PRKN: variants seen among roughly 807,000 people sequenced by gnomAD.
The protein encoded by PRKN is E3 ubiquitin-protein ligase parkin.
A neutral mutation model predicts 59.5 loss-of-function variants in PRKN; 56 were observed. That is an observed-to-expected ratio of 0.94 (90% CI 0.76 to 1.18). The LOEUF is 1.18. PRKN is among the 50% of genes most tolerant of loss of function. The probability of loss-of-function intolerance (pLI) is 0.00; values close to 1 mark genes in which losing one functional copy is unlikely to be tolerated. For missense variants in PRKN, 657 were observed against 596.4 expected, an observed-to-expected ratio of 1.10 and a Z score of -1.06; for synonymous variants, 250 against 222.1, an observed-to-expected ratio of 1.13 and a Z score of -1.12.
intron 8 of PRKN, among the ~76,000 whole-genome samples, chr6:161,558,468 G>A (rs1246757010): frequency 1.3e-5 from 2 of 152,104 alleles, no homozygotes; most frequent in East Asian, 3.9e-4. Context: ...AGGAGGCTGA[G>A]GTGAGAGGAT....
At chr6:162,180,359 T>C (rs1783747429) in intron 4 of PRKN, among the ~76,000 whole-genome samples, 1 of 152,168 alleles carries the variant, frequency 6.6e-6, no homozygotes, top group Non-Finnish European at 1.5e-5. Context: ...CTGCATCCTG[T>C]GCTTATTTCA....
At chr6:162,428,242 T>G (rs1789339411) in intron 2 of PRKN, among the ~76,000 whole-genome samples, 1 of 152,188 alleles carries the variant, frequency 6.6e-6, no homozygotes, top group Non-Finnish European at 1.5e-5. Flanking sequence ...GTAATTTCCA[T>G]GTATTTCTAT....
intron 4 of PRKN, among the ~76,000 whole-genome samples, chr6:162,100,421 C>T (rs570305447): frequency 1.1e-3 from 165 of 151,770 alleles, no homozygotes; most frequent in African/African-American, 3.5e-3. Flanking sequence ...TCCTTGCCAG[C>T]GCTTATCACT....
rs1329066076 is a variant in PRKN, at chr6:161,462,409, A to C, written c.1084-75532T>G. 2.0e-5 allele frequency among the ~76,000 whole-genome samples: 3 copies of C among 152,190 alleles called. No homozygotes were observed. Among genetic ancestry groups the C allele is most frequent in the African/African-American group, 4.8e-5 (2 of 41,450 alleles). ...GGAGCTGATTTGGTATTCAGTTAAT[A>C]CTGTAGAACGTGCTCTTCCATTACC... On this transcript the variant is annotated intron_variant, in intron 9 of 11. Transcript: ENST00000366898. This position sits in a 1 kb window ranked among gnomAD's most constrained non-coding sequence, Gnocchi z 4.5.
chr6:161,548,853 C>T lies in PRKN; in HGVS notation c.1083+1G>A, dbSNP rs111546299. 6 of 1,613,686 alleles carry T rather than the reference C, an allele frequency of 3.7e-6. No individual in the cohort carries two copies. ...GCTCCAGGGGTGTGGGCAGTACTCA[C>T]CCCACAGCCCAGGCCATTGCCCCCT... On this transcript the variant is annotated splice_donor_variant, in intron 9 of 11. Transcript: ENST00000366898. LOFTEE classifies it high-confidence loss of function. The surrounding 1 kb of genome is among the most constrained non-coding windows in gnomAD (Gnocchi z 4.2).
chr6:161,849,812 G>A (rs1029338238), intron 6 of PRKN, among the ~76,000 whole-genome samples: 6 of 152,158 alleles, frequency 3.9e-5, no homozygotes, highest in Non-Finnish European at 7.3e-5. Context: ...AATCTGAGGC[G>A]GGTGAGAGAT....
At chr6:162,157,514 C>T (rs1191811889) in intron 4 of PRKN, among the ~76,000 whole-genome samples, 2 of 152,230 alleles carry the variant, frequency 1.3e-5, no homozygotes, top group East Asian at 1.9e-4. Context: ...AAAGTACTGA[C>T]AAAAATGCAA....
At chr6:162,310,258 A>G (rs1475291346) in intron 2 of PRKN, among the ~76,000 whole-genome samples, 1 of 152,154 alleles carries the variant, frequency 6.6e-6, no homozygotes, top group Non-Finnish European at 1.5e-5. Flanking sequence ...CCACCGTCTC[A>G]TGTCCAGGCC....
intron 1 of PRKN, among the ~76,000 whole-genome samples, chr6:162,600,586 C>T (rs1276497081): frequency 6.6e-6 from 1 of 152,098 alleles, no homozygotes; most frequent in Non-Finnish European, 1.5e-5. Context: ...ATTTGGATCA[C>T]CCAAATCTCA....
intron 1 of PRKN, among the ~76,000 whole-genome samples, chr6:162,655,824 A>C (rs1275451725): frequency 6.6e-6 from 1 of 152,154 alleles, no homozygotes; most frequent in Admixed American, 6.6e-5. Flanking sequence ...AATAATTACA[A>C]ACACACATAC....
chr6:161,538,630 T>A lies in PRKN; in HGVS notation c.1083+10224A>T, dbSNP rs1399885273. 6.6e-6 allele frequency among the ~76,000 whole-genome samples: 1 copy of A among 151,008 alleles called. No individual in the cohort carries two copies. Among genetic ancestry groups the A allele is most frequent in the African/African-American group, 2.4e-5 (1 of 41,348 alleles). On this transcript the variant is annotated intron_variant, in intron 9 of 11. Transcript: ENST00000366898. The surrounding 1 kb of genome is among the most constrained non-coding windows in gnomAD (Gnocchi z 4.2). ...CAACTGGTAGAATCCTGGGGCCCAC[T>A]GAGATGCCAAGCGGAGAAGGAGGAA...
chr6:161,462,212 A>T lies in PRKN; in HGVS notation c.1084-75335T>A, dbSNP rs1034715711. The stretch of plus-strand genomic sequence containing the variant: ...CTGTCTTCCAATATGACCAAAGTCT[A>T]GTCCATCTAGAGAGATCAGATCAAA... On this transcript the variant is annotated intron_variant, in intron 9 of 11. Transcript: ENST00000366898. The surrounding 1 kb of genome is among the most constrained non-coding windows in gnomAD (Gnocchi z 4.5). Among the ~76,000 whole-genome samples the T allele has an allele frequency of 1.7e-4, 26 of 152,232 alleles. No individual in the cohort carries two copies. The highest frequency in any genetic ancestry group is 5.2e-4 in the Admixed American group (8 of 15,284).
intron 2 of PRKN, among the ~76,000 whole-genome samples, chr6:162,324,705 A>G (rs1437641653): frequency 6.6e-6 from 1 of 152,152 alleles, no homozygotes; most frequent in African/African-American, 2.4e-5. Context: ...CCTTATATAC[A>G]ATTAAAATGG....
intron 7 of PRKN, among the ~76,000 whole-genome samples, chr6:161,746,102 G>T (rs943477981): frequency 6.6e-6 from 1 of 152,214 alleles, no homozygotes; most frequent in Non-Finnish European, 1.5e-5. Flanking sequence ...GTCTCTCCAT[G>T]AATTAGGCAA....
At chr6:161,813,541 G>A (rs568728747) in intron 6 of PRKN, among the ~76,000 whole-genome samples, 38 of 152,168 alleles carry the variant, frequency 2.5e-4, no homozygotes, top group East Asian at 7.7e-4. Flanking sequence ...GAAAATAACC[G>A]GGAAGCCTAC....
intron 1 of PRKN, among the ~76,000 whole-genome samples, chr6:162,687,814 CA>C (rs1207281826): frequency 6.6e-6 from 1 of 152,114 alleles, no homozygotes; most frequent in Non-Finnish European, 1.5e-5. Flanking sequence ...TGCCAGCCCA[CA>C]AATGCAATTT....
At chr6:161,990,440 T>C (rs181792685) in intron 5 of PRKN, among the ~76,000 whole-genome samples, 158 of 152,296 alleles carry the variant, frequency 1.0e-3, no homozygotes, top group Non-Finnish European at 1.5e-3. Flanking sequence ...AAGCAACTGC[T>C]ACATCAGAGG....
intron 2 of PRKN, among the ~76,000 whole-genome samples, chr6:162,437,426 T>C (rs973221913): frequency 6.6e-6 from 1 of 152,172 alleles, no homozygotes; most frequent in Non-Finnish European, 1.5e-5. Context: ...CAGAGAAAGA[T>C]GCCAGCTACC....
At chr6:161,589,159 A>G (rs1053071087) in intron 7 of PRKN, among the ~76,000 whole-genome samples, 2 of 152,242 alleles carry the variant, frequency 1.3e-5, no homozygotes, top group Admixed American at 6.5e-5. Context: ...GCTGAAATAC[A>G]CCAGCAGATC....
Sources: allele counts gnomAD v4.1 joint callset (sites outside exome capture counted in the v4.1 genomes callset), GRCh38; gene constraint gnomAD v4.1.1; non-coding constraint Gnocchi (gnomAD v3.1); transcripts MANE v1.5; gene names NCBI Gene and HGNC (gene_info 2026-07-23, HGNC 2026-07-21).